Variants in CACNA1C observed in about 807,000 individuals in gnomAD.
The protein encoded by CACNA1C is calcium voltage-gated channel subunit alpha1 C.
A neutral mutation model predicts 229.0 loss-of-function variants in CACNA1C; 30 were observed. The observed-to-expected ratio is 0.13, with a 90% CI of 0.10 to 0.18. The LOEUF (loss-of-function observed/expected upper bound fraction) is 0.18, where lower values mean the gene tolerates loss of function less well. Ranked by LOEUF, CACNA1C falls within the 10% of genes least tolerant of loss-of-function variation. The pLI is 1.00. For synonymous variants in CACNA1C, 1,114 were observed against 1,132.5 expected (o/e 0.98, Z 0.33); for missense variants, 1,658 against 2,845.0 (o/e 0.58, Z 9.49).
At chr12:2,398,037 G>A (rs150053001) in intron 3 of CACNA1C, among the ~76,000 whole-genome samples, 229 of 152,362 alleles carry the variant, frequency 1.5e-3, no homozygotes, top group African/African-American at 5.3e-3. Flanking sequence ...GGCAGGCCCA[G>A]GCTTGAAATA....
chr12:2,106,686 A>G (rs1595999414), intron 1 of CACNA1C, among the ~76,000 whole-genome samples: 1 of 85,200 alleles, frequency 1.2e-5, no homozygotes, highest in African/African-American at 4.4e-5. Flanking sequence ...TCCTGAAGCC[A>G]CTGGGCGCCC....
intron 1 of CACNA1C, among the ~76,000 whole-genome samples, chr12:2,070,882 C>CCCTTCCTT (rs199613846): frequency 1.5e-4 from 21 of 144,700 alleles, no homozygotes; most frequent in African/African-American, 5.2e-4. Flanking sequence ...TTCTTTCTTT[C>CCCTTCCTT]CCTTCCTTCC....
chr12:1,979,315 TTTTG>T (rs980716730), intron 1 of CACNA1C, among the ~76,000 whole-genome samples: 4 of 143,354 alleles, frequency 2.8e-5, no homozygotes, highest in East Asian at 4.3e-4. Flanking sequence ...CGCCTGGATT[TTTTG>T]TTTGTTTGTC....
In CACNA1C at chr12:2,633,996, C is replaced by T. The variant is rs1014888034; in HGVS notation, c.3829-301C>T. ...GGGAGTGGCGGTGCAGGGGACACAC[C>T]GCCCGGCTCCCCGGGGCGGCCACAG... On this transcript the variant is annotated intron_variant, in intron 29 of 46. Coordinates refer to ENST00000399655, the MANE Select transcript of CACNA1C (RefSeq NM_000719.7). This position sits in a 1 kb window ranked among gnomAD's most constrained non-coding sequence, Gnocchi z 5.8. 7.9e-5 allele frequency among the ~76,000 whole-genome samples: 12 copies of T among 152,122 alleles called. 1 individual carries two copies. The highest frequency in any genetic ancestry group is 7.8e-4 in the East Asian group (4 of 5,154).
intron 2 of CACNA1C, among the ~76,000 whole-genome samples, chr12:2,119,090 A>G (rs1784945093): frequency 2.0e-5 from 3 of 152,176 alleles, no homozygotes; most frequent in African/African-American, 4.8e-5. Context: ...GGACTTGGTG[A>G]TCGGGAAATC....
chr12:2,537,552 A>G (rs11062258), intron 9 of CACNA1C, among the ~76,000 whole-genome samples: 8,961 of 152,314 alleles, frequency 0.059, 362 homozygotes, highest in African/African-American at 0.11. Context: ...ATTAGGTGTC[A>G]TGGAACCGGG....
intron 1 of CACNA1C, chr12:2,010,903 C>G (rs544383264): frequency 1.3e-5 from 2 of 152,214 alleles, no homozygotes; most frequent in African/African-American, 4.8e-5. Flanking sequence ...AATCTCAGCA[C>G]TTTGGGAGGC....
chr12:2,350,428 A>C (rs1458521509), intron 3 of CACNA1C, among the ~76,000 whole-genome samples: 2 of 152,218 alleles, frequency 1.3e-5, no homozygotes, highest in Non-Finnish European at 2.9e-5. Flanking sequence ...CCAAGCACAC[A>C]CAAATAGTGA....
At chr12:2,086,125 CTGTT>C (rs202212770) in intron 1 of CACNA1C, among the ~76,000 whole-genome samples, 2,478 of 152,294 alleles carry the variant, frequency 0.016, 64 homozygotes, top group African/African-American at 0.056. Flanking sequence ...ACATGGTAGA[CTGTT>C]TGTCTGCCTC....
chr12:2,155,195 C>T (rs558374697), intron 3 of CACNA1C, among the ~76,000 whole-genome samples: 6 of 152,156 alleles, frequency 3.9e-5, no homozygotes, highest in Admixed American at 3.3e-4. Flanking sequence ...GAACGTGGAG[C>T]GTGAAGACAC....
chr12:2,395,931 G>A (rs2098559686), intron 3 of CACNA1C, among the ~76,000 whole-genome samples: 1 of 152,138 alleles, frequency 6.6e-6, no homozygotes, highest in African/African-American at 2.4e-5. Context: ...CCAGGATCCG[G>A]TACTAGGGTC....
chr12:2,016,036 A>C (rs1292194584), intron 1 of CACNA1C, among the ~76,000 whole-genome samples: 8 of 152,198 alleles, frequency 5.3e-5, no homozygotes, highest in Non-Finnish European at 2.9e-5. Flanking sequence ...TGCTCTTTCT[A>C]CCAGGAGGAT....
chr12:2,188,367 A>G (rs1033131631), intron 3 of CACNA1C, among the ~76,000 whole-genome samples: 1 of 144,240 alleles, frequency 6.9e-6, no homozygotes, highest in East Asian at 2.0e-4. Context: ...ATAGATAACT[A>G]TGGATCGAGA....
chr12:2,434,459 G>A (rs1377752075), intron 3 of CACNA1C, among the ~76,000 whole-genome samples: 3 of 152,180 alleles, frequency 2.0e-5, no homozygotes, highest in African/African-American at 7.2e-5. Context: ...GGAGACACAG[G>A]AAGGTTAAAC....
At chr12:2,624,540 T>G (rs1392829639) in intron 29 of CACNA1C, among the ~76,000 whole-genome samples, 1 of 152,224 alleles carries the variant, frequency 6.6e-6, no homozygotes. Flanking sequence ...ATTGAAGAAC[T>G]TGAAGAGCAA....
chr12:2,257,990 CG>C (rs2078642991), intron 3 of CACNA1C, among the ~76,000 whole-genome samples: 1 of 152,230 alleles, frequency 6.6e-6, no homozygotes. Context: ...GCCTTCAGCA[CG>C]TGCACTCCCA....
chr12:2,583,267 G>A (rs1437978395), intron 15 of CACNA1C, among the ~76,000 whole-genome samples: 1 of 152,232 alleles, frequency 6.6e-6, no homozygotes, highest in Non-Finnish European at 1.5e-5. Context: ...GGAGCGGGCC[G>A]GCTGCCCTGG....
chr12:2,676,772 T>A, intron 39 of CACNA1C: 1 of 193,138 alleles, frequency 5.2e-6, no homozygotes, highest in South Asian at 1.0e-4. Flanking sequence ...GTAGGCTACC[T>A]TTTGCATAAA....
chr12:2,524,750 C>A (rs923025999), intron 9 of CACNA1C, among the ~76,000 whole-genome samples: 5 of 152,204 alleles, frequency 3.3e-5, no homozygotes, highest in Admixed American at 6.5e-5. Flanking sequence ...GCTTCAGCAG[C>A]CAGGCCTGGG....
Sources: gnomAD v4.1 joint callset for allele counts (sites outside exome capture counted in the v4.1 genomes callset) on GRCh38, gnomAD v4.1.1 for gene constraint, Gnocchi (gnomAD v3.1) non-coding constraint, MANE v1.5 for transcripts, NCBI Gene and HGNC (gene_info 2026-07-23, HGNC 2026-07-21) for gene names.